The following ALG8 variants were observed in gnomAD, a reference collection of about 807,000 sequenced individuals.
The protein encoded by ALG8 is ALG8 alpha-1,3-glucosyltransferase, also known as dolichyl pyrophosphate Glc1Man9GlcNAc2 alpha-1,3-glucosyltransferase.
In ALG8, 48 loss-of-function variants were observed where a neutral mutation model predicts 70.2. The observed-to-expected ratio is 0.68, with a 90% CI of 0.54 to 0.87. The LOEUF (loss-of-function observed/expected upper bound fraction) is 0.87, where lower values mean the gene tolerates loss of function less well. Ranked by LOEUF, ALG8 falls within the 40% of genes least tolerant of loss-of-function variation. The pLI, the probability that ALG8 is intolerant of heterozygous loss-of-function variation, is 0.00. For synonymous variants in ALG8, 234 were observed against 229.0 expected, an observed-to-expected ratio of 1.02 and a Z score of -0.20; for missense variants, 572 against 608.7, an observed-to-expected ratio of 0.94 and a Z score of 0.64.
intron 7 of ALG8, among the ~76,000 whole-genome samples, chr11:78,113,001 C>T (rs938225081): frequency 1.3e-5 from 2 of 152,114 alleles, no homozygotes; most frequent in African/African-American, 4.8e-5. Context: ...GAATACCCGT[C>T]CATACTATTA....
At chr11:78,134,419 T>C (rs1861454447) in intron 1 of ALG8, among the ~76,000 whole-genome samples, 3 of 152,212 alleles carry the variant, frequency 2.0e-5, no homozygotes, top group Admixed American at 2.0e-4. Flanking sequence ...ATTACAGGCA[T>C]GAGCCACTGC....
chr11:78,126,328 C>T (rs1390882697), intron 2 of ALG8, among the ~76,000 whole-genome samples: 8 of 151,542 alleles, frequency 5.3e-5, no homozygotes, highest in Admixed American at 1.3e-4. Flanking sequence ...GTCCGGAGTT[C>T]GAGACCAGCC....
At chr11:78,136,669 A>G (rs1018586661) in intron 1 of ALG8, among the ~76,000 whole-genome samples, 2 of 152,328 alleles carry the variant, frequency 1.3e-5, no homozygotes, top group South Asian at 2.1e-4. Flanking sequence ...TAGATTTAGC[A>G]TAAGTCTTAA....
intron 10 of ALG8, among the ~76,000 whole-genome samples, chr11:78,105,900 G>T (rs905720104): frequency 1.3e-5 from 2 of 151,468 alleles, no homozygotes; most frequent in Non-Finnish European, 2.9e-5. Context: ...GTAGAGATGG[G>T]ATTTTGCCAT....
chr11:78,139,336 G>A (rs1861694843), intron 1 of ALG8, 158 bp downstream of exon 1: 2 of 758,566 alleles, frequency 2.6e-6, no homozygotes, highest in Non-Finnish European at 4.5e-6. Context: ...GCTAAGTCAA[G>A]TAACAACTGG....
chr11:78,131,653 A>C (rs1861314195), intron 1 of ALG8, among the ~76,000 whole-genome samples: 1 of 152,002 alleles, frequency 6.6e-6, no homozygotes, highest in African/African-American at 2.4e-5. Context: ...TTTTGTAGAG[A>C]CGGGGTTTCA....
rs745539743 is a variant in ALG8 at position 78,112,662 on chromosome 11, G to T, written c.886C>A (p.Leu296Met). The T allele has an allele frequency of 1.2e-6, 2 of 1,613,920 alleles. No homozygotes were observed. The highest frequency in any genetic ancestry group is 2.2e-5 in the East Asian group (1 of 44,870). ...CTCGCTACCATACCGATGACAGACA[G>T]CACTTTGTCCAAAGCATTGTACAAA... ...WALYNALDKV[L>M]SVIGLKLKFL... The change falls in exon 8 of 13, where the codon CTG (leucine) becomes ATG (methionine). Residue 296 changes from leucine (L) to methionine (M), a missense_variant. Leu to Met is a conservative substitution (Grantham distance 15, BLOSUM62 2). Coordinates refer to ENST00000299626, the MANE Select transcript of ALG8 (RefSeq NM_024079.5).
rs544098771 is a variant in ALG8, at chr11:78,139,482, C to G, written c.95+12G>C. The stretch of plus-strand genomic sequence containing the variant: ...CCTCCCCGCCCAGCCCCTGGCCGTG[C>G]GAGTCCCTTACTATGTGGGGATGAG... On this transcript the variant is annotated intron_variant, in intron 1 of 12. Coordinates refer to ENST00000299626, the MANE Select transcript of ALG8 (RefSeq NM_024079.5). The G allele has an allele frequency of 5.1e-6, 8 of 1,554,148 alleles. No individual in the cohort carries two copies. The highest frequency in any genetic ancestry group is 7.0e-6 in the Non-Finnish European group (8 of 1,148,248).
At chr11:78,133,235 G>A (rs1590843600) in intron 1 of ALG8, among the ~76,000 whole-genome samples, 1 of 152,136 alleles carries the variant, frequency 6.6e-6, no homozygotes, top group Admixed American at 6.6e-5. Flanking sequence ...ACACTTCACA[G>A]GGCTAGGGAT....
At chr11:78,131,654 C>T (rs576848008) in intron 1 of ALG8, among the ~76,000 whole-genome samples, 8 of 151,876 alleles carry the variant, frequency 5.3e-5, no homozygotes, top group South Asian at 2.1e-4. Flanking sequence ...TTTGTAGAGA[C>T]GGGGTTTCAT....
chr11:78,109,693 G>T, intron 8 of ALG8, 112 bp from the exon 9 acceptor site: 1 of 1,048,800 alleles, frequency 9.5e-7, no homozygotes, highest in Non-Finnish European at 1.4e-6. Flanking sequence ...TCTTATTGCT[G>T]CTTAAAGGCT....
At chr11:78,123,490 T>A (rs1363415615) in intron 3 of ALG8, among the ~76,000 whole-genome samples, 5 of 152,108 alleles carry the variant, frequency 3.3e-5, no homozygotes, top group Non-Finnish European at 7.4e-5. Context: ...AATATAAGCA[T>A]AACTTAAAAT....
chr11:78,106,409 G>A (rs993193992), intron 10 of ALG8, among the ~76,000 whole-genome samples: 1 of 152,164 alleles, frequency 6.6e-6, no homozygotes, highest in South Asian at 2.1e-4. Context: ...ATGTTAGCCA[G>A]GATAGTCTCG....
Position 78,112,538 on chromosome 11 carries a change from C to T in ALG8, c.898+112G>A, listed in dbSNP as rs528477730. The T allele has an allele frequency of 6.0e-6, 9 of 1,512,194 alleles. No individual in the cohort carries two copies. The East Asian group carries it at 1.6e-4, about 28-fold the overall frequency. 93.7% of individuals were successfully genotyped at this position (1,512,194 alleles called of 1,614,324 possible). A position where few individuals can be genotyped will look rare whatever the true frequency, so the allele number is the denominator to read the frequency against. On this transcript the variant is annotated intron_variant, in intron 8 of 12. Transcript: ENST00000299626. ...TCATCCTGAAAGCTGAAATGCAGGA[C>T]TGGAGAACAAACAATTCAGCCACAT...
chr11:78,132,817 CTGT>C (rs1482624495), intron 1 of ALG8, among the ~76,000 whole-genome samples: 3 of 132,016 alleles, frequency 2.3e-5, no homozygotes, highest in Non-Finnish European at 4.7e-5. Flanking sequence ...TGATAGGATC[CTGT>C]TCTTCTTCTT....
intron 5 of ALG8, chr11:78,114,744 T>C (rs982833132): frequency 2.2e-5 from 10 of 444,810 alleles, no homozygotes; most frequent in East Asian, 1.4e-4. Flanking sequence ...CGTGGAAGGA[T>C]TGCTTGACCC....
chr11:78,133,548 G>A (rs2065785145), intron 1 of ALG8: 1 of 152,162 alleles, frequency 6.6e-6, no homozygotes, highest in Admixed American at 6.6e-5. Context: ...CCATAATGAA[G>A]TGAATATCGC....
At chr11:78,130,361 A>AAAAAAAAAAAAAGAAAAGAAAAGAAAG (rs928560857) in intron 1 of ALG8, among the ~76,000 whole-genome samples, 3 of 132,700 alleles carry the variant, frequency 2.3e-5, no homozygotes, top group African/African-American at 3.2e-5. Context: ...AAAAAAAAAA[A>AAAAAAAAAAAAAGAAAAGAAAAGAAAG]AAAAAAGGTG....
chr11:78,125,821 CA>C (rs1357048632), intron 2 of ALG8, among the ~76,000 whole-genome samples: 1 of 151,172 alleles, frequency 6.6e-6, no homozygotes, highest in Non-Finnish European at 1.5e-5. Context: ...GAAAAGAAAA[CA>C]AAACAAAATC....
Sources: allele counts gnomAD v4.1 joint callset (sites outside exome capture counted in the v4.1 genomes callset), GRCh38; gene constraint gnomAD v4.1.1; transcripts MANE v1.5; gene names NCBI Gene and HGNC (gene_info 2026-07-23, HGNC 2026-07-21).